FRAS1: variants seen among roughly 807,000 people sequenced by gnomAD.
FRAS1 encodes Fraser extracellular matrix complex subunit 1.
A neutral mutation model predicts 435.2 loss-of-function variants in FRAS1; 290 were observed. The ratio of observed to expected loss-of-function variants is 0.67; its 90% CI spans 0.61 to 0.73. FRAS1 has a LOEUF of 0.73. Ranked by LOEUF, FRAS1 falls within the 30% of genes least tolerant of loss-of-function variation. The pLI is 0.00. For missense variants in FRAS1, 4,860 were observed against 5,001.5 expected (o/e 0.97, Z 0.85); for synonymous variants, 1,800 against 1,851.0 (o/e 0.97, Z 0.71).
At chr4:78,175,517 A>G (rs1033001260) in intron 2 of FRAS1, among the ~76,000 whole-genome samples, 5 of 152,204 alleles carry the variant, frequency 3.3e-5, no homozygotes, top group African/African-American at 1.2e-4. Context: ...GGAGAGTTCA[A>G]TAAGGGGACT....
At chr4:78,277,656 T>G (rs1727120045) in intron 9 of FRAS1, among the ~76,000 whole-genome samples, 1 of 152,142 alleles carries the variant, frequency 6.6e-6, no homozygotes, top group African/African-American at 2.4e-5. Context: ...ATTATAGAAT[T>G]GCAAATTATT....
intron 31 of FRAS1, among the ~76,000 whole-genome samples, chr4:78,409,216 A>G (rs972356420): frequency 2.0e-5 from 3 of 151,084 alleles, no homozygotes; most frequent in Admixed American, 1.3e-4. Flanking sequence ...ATAAATTAAT[A>G]ATAAAAGGAT....
chr4:78,478,360 A>C (rs904675116), intron 55 of FRAS1, among the ~76,000 whole-genome samples: 1 of 152,186 alleles, frequency 6.6e-6, no homozygotes, highest in African/African-American at 2.4e-5. Flanking sequence ...TTAATCAATC[A>C]CCCAATCCAT....
intron 2 of FRAS1, among the ~76,000 whole-genome samples, chr4:78,144,641 A>G (rs2110003014): frequency 6.6e-6 from 1 of 152,296 alleles, no homozygotes; most frequent in African/African-American, 2.4e-5. Context: ...AATCCCAGAT[A>G]ACAATTGTTA....
chr4:78,124,398 C>G (rs1355013943), intron 2 of FRAS1, among the ~76,000 whole-genome samples: 1 of 152,196 alleles, frequency 6.6e-6, no homozygotes, highest in Non-Finnish European at 1.5e-5. Flanking sequence ...ACAATTTTTG[C>G]ATCGATGTTC....
intron 2 of FRAS1, among the ~76,000 whole-genome samples, chr4:78,222,319 GGTC>G (rs1724091335): frequency 6.6e-6 from 1 of 152,110 alleles, no homozygotes; most frequent in Non-Finnish European, 1.5e-5. Flanking sequence ...TCCACTGTGT[GGTC>G]TCCTGCTTAT....
In FRAS1 at chr4:78,318,842, C is replaced by G. The variant is rs368403543; in HGVS notation, c.1993C>G (p.Pro665Ala). Residue 665 changes from proline (P) to alanine (A), a missense_variant, in exon 18 of 74, where the codon CCC (proline) becomes GCC (alanine). Pro to Ala is a conservative substitution (Grantham distance 27). Coordinates refer to ENST00000512123, the MANE Select transcript of FRAS1 (RefSeq NM_025074.7). ...CTCCTCCTGCCTGGCTTGTATGGGT[C>G]CCGCACCCTCTCACTGTACTGGGTG... ...CHSSCLACMG[P>A]APSHCTGCKK... The G allele has an allele frequency of 5.0e-6, 8 of 1,612,230 alleles. No individual in the cohort carries two copies. The South Asian group carries it at 7.7e-5, about 16-fold the overall frequency.
At chr4:78,505,598 C>T (rs1236926811) in intron 61 of FRAS1, among the ~76,000 whole-genome samples, 5 of 152,092 alleles carry the variant, frequency 3.3e-5, no homozygotes, top group Admixed American at 6.5e-5. Context: ...AAAGTCTTCT[C>T]GACACTGTTT....
rs757389488 is a variant in FRAS1, at chr4:78,475,533, A to G, written c.7778A>G (p.Gln2593Arg). 3.7e-6 allele frequency: 6 copies of G among 1,613,812 alleles called. No homozygotes were observed. Among genetic ancestry groups the G allele is most frequent in the African/African-American group, 2.7e-5 (2 of 75,034 alleles). Residue 2593 changes from glutamine to arginine, a missense_variant, in exon 54 of 74, where the codon CAA (glutamine) becomes CGA (arginine). Coordinates refer to ENST00000512123, the MANE Select transcript of FRAS1 (RefSeq NM_025074.7). ...QYAIVLCRTE[Q>R]GTASSSSRVS... is the part of the protein sequence containing the mutation. ...GCCATCGTCCTGTGTCGCACCGAGC[A>G]AGGCACCGCCAGCTCCAGCTCCAGG... is the stretch of plus-strand genomic sequence containing the variant.
At chr4:78,487,406 C>G (rs1720203661) in intron 58 of FRAS1, among the ~76,000 whole-genome samples, 2 of 152,130 alleles carry the variant, frequency 1.3e-5, no homozygotes, top group Admixed American at 6.5e-5. Context: ...CTCATTCCCC[C>G]ACGTCCCCCA....
chr4:78,446,395 A>G (rs1310494825), intron 42 of FRAS1: 1 of 1,088,232 alleles, frequency 9.2e-7, no homozygotes, highest in Non-Finnish European at 1.1e-6. Flanking sequence ...TTATATTAGT[A>G]TGGTCTTTTA....
At chr4:78,492,650 A>G (rs1229655169) in intron 59 of FRAS1, among the ~76,000 whole-genome samples, 2 of 152,212 alleles carry the variant, frequency 1.3e-5, no homozygotes, top group African/African-American at 4.8e-5. Context: ...TTAACTCAGG[A>G]TGGATTGAAG....
chr4:78,400,091 A>G (rs1732821644), intron 29 of FRAS1, among the ~76,000 whole-genome samples: 1 of 152,166 alleles, frequency 6.6e-6, no homozygotes, highest in East Asian at 1.9e-4. Context: ...ATTGTCTCAC[A>G]TCTTTGCTTT....
chr4:78,525,589 T>C (rs1721509773), intron 69 of FRAS1, among the ~76,000 whole-genome samples: 1 of 152,186 alleles, frequency 6.6e-6, no homozygotes, highest in Non-Finnish European at 1.5e-5. Flanking sequence ...TAGATAAGTA[T>C]CCCAAAATGG....
At chr4:78,077,213 CACACACAT>C (rs1384304321) in intron 2 of FRAS1, among the ~76,000 whole-genome samples, 1 of 151,946 alleles carries the variant, frequency 6.6e-6, no homozygotes, top group Non-Finnish European at 1.5e-5. Context: ...CACACACACA[CACACACAT>C]TAGCTGAGTG....
intron 2 of FRAS1, among the ~76,000 whole-genome samples, chr4:78,135,798 A>G (rs1242174731): frequency 6.6e-6 from 1 of 152,182 alleles, no homozygotes; most frequent in Non-Finnish European, 1.5e-5. Flanking sequence ...ACACAACTGT[A>G]TGTGGAAGTC....
chr4:78,429,314 A>T (rs1734122649), intron 36 of FRAS1, 88 bp downstream of exon 36: 1 of 1,456,740 alleles, frequency 6.9e-7, no homozygotes, highest in Admixed American at 2.5e-5. Flanking sequence ...GTTGCCAAAA[A>T]AGCAAACTCT....
intron 26 of FRAS1, among the ~76,000 whole-genome samples, chr4:78,377,712 C>T (rs957291380): frequency 6.6e-6 from 1 of 152,156 alleles, no homozygotes; most frequent in Non-Finnish European, 1.5e-5. Context: ...AAACACCAGC[C>T]TCTTTACTTG....
Position 78,267,408 on chromosome 4 carries a change from G to C in FRAS1, c.957G>C (p.Glu319Asp). The C allele has an allele frequency of 6.2e-7, 1 of 1,613,898 alleles. No homozygotes were observed. The highest frequency in any genetic ancestry group is 8.5e-7 in the Non-Finnish European group (1 of 1,179,848). Residue 319 changes from glutamate (E) to aspartate (D), a missense_variant, in exon 9 of 74, where the codon GAG (glutamate) becomes GAC (aspartate). Coordinates refer to ENST00000512123, the MANE Select transcript of FRAS1 (RefSeq NM_025074.7). ...DHGQVTCQTG[E>D]CAKVECARDE... ...GCCAAGTGACCTGCCAGACTGGAGA[G>C]TGTGCCAAAGTGGAGTGTGCCCGGG...
Sources: gnomAD v4.1 joint callset for allele counts (sites outside exome capture counted in the v4.1 genomes callset) on GRCh38, gnomAD v4.1.1 for gene constraint, MANE v1.5 for transcripts, NCBI Gene and HGNC (gene_info 2026-07-23, HGNC 2026-07-21) for gene names.